Variants in UBE3C observed in about 807,000 individuals in gnomAD.
UBE3C encodes ubiquitin protein ligase E3C.
In UBE3C, 42 loss-of-function variants were observed where a neutral mutation model predicts 129.4. The observed-to-expected ratio is 0.32, with a 90% CI of 0.25 to 0.42. The LOEUF (loss-of-function observed/expected upper bound fraction) is 0.42. Ranked by LOEUF, UBE3C falls within the 10% of genes least tolerant of loss-of-function variation. The pLI is 1.00. For missense variants in UBE3C, 1,049 were observed against 1,319.1 expected (o/e 0.80, Z 3.17); for synonymous variants, 510 against 492.4 (o/e 1.04, Z -0.47).
At chr7:157,237,282 A>C (rs1796177002) in intron 18 of UBE3C, among the ~76,000 whole-genome samples, 1 of 151,910 alleles carries the variant, frequency 6.6e-6, no homozygotes. Flanking sequence ...TCTACTAAAA[A>C]TACAAAAAAT....
intron 1 of UBE3C, among the ~76,000 whole-genome samples, chr7:157,148,652 T>C (rs1222853951): frequency 3.9e-5 from 6 of 152,214 alleles, no homozygotes; most frequent in Admixed American, 6.5e-5. Context: ...TCCATATACA[T>C]TGTAGTGGAA....
At chr7:157,203,596 T>C (rs1809349742) in intron 11 of UBE3C, among the ~76,000 whole-genome samples, 1 of 152,226 alleles carries the variant, frequency 6.6e-6, no homozygotes. Context: ...GTTTATGGCA[T>C]TTGTCTCTTG....
chr7:157,158,499 C>T (rs1379641584), intron 1 of UBE3C, among the ~76,000 whole-genome samples: 2 of 152,132 alleles, frequency 1.3e-5, no homozygotes, highest in Non-Finnish European at 2.9e-5. Flanking sequence ...TGCTAATTGG[C>T]CAAGTGGGAA....
chr7:157,240,182 G>A (rs2116658697), intron 18 of UBE3C, among the ~76,000 whole-genome samples: 1 of 152,186 alleles, frequency 6.6e-6, no homozygotes, highest in East Asian at 1.9e-4. Context: ...AGCCTCCCAA[G>A]TAACTGGGAC....
rs560758000 is a variant in UBE3C, at chr7:157,252,596, G to C, written c.2695-1358G>C. Among the ~76,000 whole-genome samples the C allele has an allele frequency of 1.8e-4, 27 of 152,344 alleles. 1 individual carries two copies. In the South Asian group the frequency reaches 5.6e-3, roughly 32 times the overall value. On this transcript the variant is annotated intron_variant, in intron 19 of 22. Transcript: ENST00000348165. ...GTATAAAATGAGAACCAGCAAACGAGTCTCCTATAACCATCAGCTGTAGGA... is the reference window on the plus strand; with the variant it reads ...GTATAAAATGAGAACCAGCAAACGACTCTCCTATAACCATCAGCTGTAGGA...
Position 157,268,682 on chromosome 7 carries a change from A to T in UBE3C, c.*927A>T, listed in dbSNP as rs1163464110. The T allele has an allele frequency of 6.6e-6, 1 of 152,610 alleles. No individual in the cohort carries two copies. The highest frequency in any genetic ancestry group is 2.4e-5 in the African/African-American group (1 of 41,426). The allele number at this position is 152,610 out of a possible 1,614,324, so 9.5% of individuals were successfully genotyped here. ...GCTGCGCCCACTTGTCTTCCTGGAT[A>T]TTTGGGGGTGACTCGCCATGCTTGG... On this transcript the variant is annotated 3_prime_UTR_variant, in exon 23 of 23. Transcript: ENST00000348165.
chr7:157,179,786 CTG>C (rs1808621279), intron 6 of UBE3C, among the ~76,000 whole-genome samples: 1 of 152,184 alleles, frequency 6.6e-6, no homozygotes, highest in Non-Finnish European at 1.5e-5. Context: ...TCTTGGTCCT[CTG>C]TCAAAACTAC....
chr7:157,187,095 CT>C, intron 10 of UBE3C, 74 bp downstream of exon 10: 1 of 1,471,330 alleles, frequency 6.8e-7, no homozygotes, highest in Non-Finnish European at 9.1e-7. Context: ...AATTGCTCTC[CT>C]CTTAAGTTTT....
At chr7:157,266,515 G>A (rs1241122398) in intron 22 of UBE3C, among the ~76,000 whole-genome samples, 2 of 152,180 alleles carry the variant, frequency 1.3e-5, no homozygotes, top group Non-Finnish European at 2.9e-5. Context: ...ACAATGCTGG[G>A]ATCGATCTCT....
chr7:157,196,704 C>T (rs944980829), intron 10 of UBE3C, among the ~76,000 whole-genome samples: 1 of 152,198 alleles, frequency 6.6e-6, no homozygotes, highest in Non-Finnish European at 1.5e-5. Context: ...TGCAGTGGCT[C>T]ACGCCTATAA....
chr7:157,142,616 A>G (rs957993783), intron 1 of UBE3C, among the ~76,000 whole-genome samples: 6 of 152,088 alleles, frequency 3.9e-5, no homozygotes, highest in Admixed American at 1.3e-4. Flanking sequence ...CATTGATTCA[A>G]AGTCACTTTG....
At chr7:157,195,610 A>C (rs904870143) in intron 10 of UBE3C, among the ~76,000 whole-genome samples, 6 of 152,178 alleles carry the variant, frequency 3.9e-5, no homozygotes, top group Non-Finnish European at 8.8e-5. Context: ...ACCATCATAC[A>C]TGGGAGCAGA....
intron 13 of UBE3C, among the ~76,000 whole-genome samples, chr7:157,210,683 T>C (rs1409480662): frequency 1.3e-5 from 2 of 152,210 alleles, no homozygotes; most frequent in Admixed American, 6.5e-5. Context: ...AGTTGAAGAA[T>C]TCGAGGTAGA....
chr7:157,144,840 C>G (rs1807561847), intron 1 of UBE3C, among the ~76,000 whole-genome samples: 1 of 152,072 alleles, frequency 6.6e-6, no homozygotes, highest in Admixed American at 6.6e-5. Flanking sequence ...ATTGATAAAC[C>G]AATGTCGATG....
intron 13 of UBE3C, among the ~76,000 whole-genome samples, chr7:157,213,968 A>G (rs10224496): frequency 0.18 from 27,562 of 152,170 alleles, 2,670 homozygotes; most frequent in East Asian, 0.35. Context: ...TTTGATATAA[A>G]TAAATATAAA....
intron 10 of UBE3C, among the ~76,000 whole-genome samples, chr7:157,188,474 A>G (rs1432824703): frequency 6.6e-6 from 1 of 152,210 alleles, no homozygotes; most frequent in Non-Finnish European, 1.5e-5. Flanking sequence ...GGCTAATTGC[A>G]TGAGAGCAGG....
rs1245264764 is a variant in UBE3C at position 157,183,943 on chromosome 7, C to T, written c.1057C>T (p.Pro353Ser). The T allele has an allele frequency of 6.2e-7, 1 of 1,614,194 alleles. No homozygotes were observed. The highest frequency in any genetic ancestry group is 1.3e-5 in the African/African-American group (1 of 75,058). The change falls in exon 9 of 23, where the codon CCA (proline) becomes TCA (serine). Residue 353 changes from proline (P) to serine (S), a missense_variant. Physicochemically the swap from Pro to Ser is moderately conservative, Grantham distance 74. Transcript: ENST00000348165. ...RVLQTFLSQLPVSPASASCHD... is the reference protein window; with the variant it reads ...RVLQTFLSQLSVSPASASCHD... ...GCTGCAGACCTTCCTCTCTCAGTTA[C>T]CAGTCTCTCCTGCCAGCGCGAGCTG...
At chr7:157,260,774 G>A (rs930037415) in intron 22 of UBE3C, among the ~76,000 whole-genome samples, 1 of 152,104 alleles carries the variant, frequency 6.6e-6, no homozygotes, top group African/African-American at 2.4e-5. Flanking sequence ...TCAGCTCCTG[G>A]CTAATTAGAT....
chr7:157,216,307 C>A (rs1354526038), intron 13 of UBE3C, among the ~76,000 whole-genome samples: 2 of 150,660 alleles, frequency 1.3e-5, no homozygotes, highest in African/African-American at 4.9e-5. Context: ...TTAGAGGTAT[C>A]TTTCATTAGA....
Sources: allele counts gnomAD v4.1 joint callset (sites outside exome capture counted in the v4.1 genomes callset), GRCh38; gene constraint gnomAD v4.1.1; transcripts MANE v1.5; gene names NCBI Gene and HGNC (gene_info 2026-07-23, HGNC 2026-07-21).